EIF4G3: variants seen among roughly 807,000 people sequenced by gnomAD.
EIF4G3 encodes eIF-4-gamma 3.
Under a neutral mutation model 186.4 loss-of-function variants are expected in EIF4G3, and 34 were observed. The observed-to-expected ratio is 0.18, with a 90% CI of 0.14 to 0.24. The LOEUF is 0.24. EIF4G3 is among the 10% of genes least tolerant of loss of function. The probability of loss-of-function intolerance (pLI) is 1.00; values close to 1 mark genes in which losing one functional copy is unlikely to be tolerated. For missense variants in EIF4G3, 1,536 were observed against 1,948.5 expected (o/e 0.79, Z 3.99); for synonymous variants, 673 against 679.5 (o/e 0.99, Z 0.15).
At chr1:20,847,827 A>C (rs2071678812) in intron 29 of EIF4G3, 1 of 471,772 alleles carries the variant, frequency 2.1e-6, no homozygotes, top group African/African-American at 2.0e-5. Flanking sequence ...TCATCATCAA[A>C]AACTTCCTTC....
At chr1:21,162,881 T>C (rs544228966) in intron 2 of EIF4G3, among the ~76,000 whole-genome samples, 1 of 152,354 alleles carries the variant, frequency 6.6e-6, no homozygotes, top group South Asian at 2.1e-4. Context: ...AGTAGGTCAC[T>C]GGTCAGTGTT....
At chr1:21,095,278 C>T (rs1387527463) in intron 2 of EIF4G3, among the ~76,000 whole-genome samples, 1 of 152,144 alleles carries the variant, frequency 6.6e-6, no homozygotes, top group African/African-American at 2.4e-5. Flanking sequence ...CAAGACTATA[C>T]TATTCTTTAT....
At chr1:20,936,972 T>C (rs1018240161) in intron 14 of EIF4G3, among the ~76,000 whole-genome samples, 4 of 152,218 alleles carry the variant, frequency 2.6e-5, no homozygotes, top group Non-Finnish European at 5.9e-5. Context: ...GAATATAAGG[T>C]AAACTACAGG....
intron 22 of EIF4G3, among the ~76,000 whole-genome samples, chr1:20,864,224 A>G (rs1221466006): frequency 1.3e-5 from 2 of 152,222 alleles, no homozygotes; most frequent in African/African-American, 4.8e-5. Context: ...AGAAGAAGAA[A>G]AAAGAATATG....
intron 27 of EIF4G3, among the ~76,000 whole-genome samples, 199 bp downstream of exon 27, chr1:20,853,361 C>G (rs551354809): frequency 1.3e-5 from 2 of 152,276 alleles, no homozygotes; most frequent in Admixed American, 6.5e-5. Context: ...AGAATCCCTT[C>G]CCTCCCATCC....
intron 9 of EIF4G3, 45 bp from the exon 10 acceptor site, chr1:20,980,493 G>A: frequency 7.6e-7 from 1 of 1,312,560 alleles, no homozygotes; most frequent in South Asian, 1.4e-5. Context: ...TATGGTATCT[G>A]GGGGCGAAAA....
At chr1:21,071,502 G>GT (rs2100348672) in intron 3 of EIF4G3, among the ~76,000 whole-genome samples, 1 of 152,234 alleles carries the variant, frequency 6.6e-6, no homozygotes, top group African/African-American at 2.4e-5. Context: ...AATAAAAACT[G>GT]TATCCACTAC....
intron 10 of EIF4G3, among the ~76,000 whole-genome samples, chr1:20,973,981 T>C (rs1570055912): frequency 6.6e-6 from 1 of 152,102 alleles, no homozygotes; most frequent in Non-Finnish European, 1.5e-5. Context: ...TGGATACTGG[T>C]GTGAGAGAAA....
intron 2 of EIF4G3, among the ~76,000 whole-genome samples, chr1:21,149,771 A>G (rs527988739): frequency 1.3e-5 from 2 of 152,298 alleles, no homozygotes; most frequent in East Asian, 1.9e-4. Flanking sequence ...ATCCTCTACT[A>G]TATGCCACCC....
chr1:21,019,363 C>T lies in EIF4G3; in HGVS notation c.-66-16555G>A, dbSNP rs148010410. On this transcript the variant is annotated intron_variant, in intron 4 of 36. Coordinates refer to ENST00000602326, the MANE Select transcript of EIF4G3 (RefSeq NM_001391906.1). ...GTTTCTTGTTGAATTGTAAACAATA[C>T]TTGACAAAGTAGAGCTGTTTAAACA... Among the ~76,000 whole-genome samples, 1,054 of 152,240 alleles carry T rather than the reference C, an allele frequency of 6.9e-3. 13 individuals are homozygous for T. Among genetic ancestry groups the T allele is most frequent in the Middle Eastern group, 0.065 (19 of 294 alleles).
At chr1:20,958,964 G>A (rs1460646798) in intron 12 of EIF4G3, among the ~76,000 whole-genome samples, 2 of 152,006 alleles carry the variant, frequency 1.3e-5, no homozygotes, top group African/African-American at 4.8e-5. Context: ...TTGTGAAAAT[G>A]GCCATACTAC....
intron 2 of EIF4G3, among the ~76,000 whole-genome samples, chr1:21,164,227 G>C (rs537968144): frequency 2.0e-5 from 3 of 152,110 alleles, no homozygotes; most frequent in Non-Finnish European, 4.4e-5. Context: ...TTATTCACAG[G>C]ACAGCAAAAC....
chr1:21,114,929 G>A (rs191769333), intron 2 of EIF4G3, among the ~76,000 whole-genome samples: 2 of 152,266 alleles, frequency 1.3e-5, no homozygotes, highest in Admixed American at 1.3e-4. Context: ...TTGAGAGGCT[G>A]AGGCAAAAGG....
At chr1:21,174,878 G>A (rs1253546678) in intron 2 of EIF4G3, 2 of 152,142 alleles carry the variant, frequency 1.3e-5, no homozygotes, top group Non-Finnish European at 2.9e-5. Flanking sequence ...TGAAAATCAC[G>A]AACTAGGTTT....
intron 12 of EIF4G3, among the ~76,000 whole-genome samples, chr1:20,952,132 C>T (rs769482774): frequency 6.7e-6 from 1 of 150,036 alleles, no homozygotes; most frequent in Non-Finnish European, 1.5e-5. Context: ...AAAATCATAA[C>T]GTATTAACAT....
chr1:20,829,309 G>T, intron 30 of EIF4G3, 37 bp from the exon 31 acceptor site: 1 of 1,601,930 alleles, frequency 6.2e-7, no homozygotes, highest in Middle Eastern at 1.7e-4. Context: ...ACATGCAAAT[G>T]TAATTCAAAA....
chr1:20,876,756 G>C (rs899034540), intron 20 of EIF4G3, among the ~76,000 whole-genome samples: 9 of 152,178 alleles, frequency 5.9e-5, no homozygotes, highest in African/African-American at 1.9e-4. Context: ...TGCACTTTGG[G>C]AGGCCAAGGC....
At chr1:21,113,054 G>A (rs2096753538) in intron 2 of EIF4G3, among the ~76,000 whole-genome samples, 2 of 151,476 alleles carry the variant, frequency 1.3e-5, no homozygotes, top group Middle Eastern at 3.4e-3. Flanking sequence ...AGCACTTTGG[G>A]AGGCTGAGAA....
chr1:21,075,570 C>CAAAAAAAAAAAAAAAAAAAAA lies in EIF4G3; in HGVS notation c.-196+13547_-196+13567dup, dbSNP rs55649192. 4.5e-4 allele frequency among the ~76,000 whole-genome samples: 23 copies of CAAAAAAAAAAAAAAAAAAAAA among 51,558 alleles called. 1 individual carries two copies. The highest frequency in any genetic ancestry group is 8.8e-4 in the East Asian group (1 of 1,130). 33.8% of individuals were successfully genotyped at this position (51,558 alleles called of 152,430 possible). The stretch of plus-strand genomic sequence containing the variant: ...GGCAACAGAGTGAGACTCCAACTCA[C>CAAAAAAAAAAAAAAAAAAAAA]AAAAAAAAAAAAAAAAAAAAAAAAA... On this transcript the variant is annotated intron_variant, in intron 3 of 36. Coordinates refer to ENST00000602326, the MANE Select transcript of EIF4G3 (RefSeq NM_001391906.1).
Sources: gnomAD v4.1 joint callset for allele counts (sites outside exome capture counted in the v4.1 genomes callset) on GRCh38, gnomAD v4.1.1 for gene constraint, MANE v1.5 for transcripts, NCBI Gene and HGNC (gene_info 2026-07-23, HGNC 2026-07-21) for gene names.